The following DHX15 variants were observed in gnomAD, a reference collection of about 807,000 sequenced individuals.
DHX15 encodes ATP-dependent RNA helicase DHX15.
In DHX15, 11 loss-of-function variants were observed where a neutral mutation model predicts 94.4. The ratio of observed to expected loss-of-function variants is 0.12; its 90% CI spans 0.07 to 0.19. The LOEUF (loss-of-function observed/expected upper bound fraction) is 0.19. Among genes scored for constraint, DHX15 ranks in the 10% least tolerant of loss-of-function variants. The pLI is 1.00. For synonymous variants in DHX15, 338 were observed against 329.9 expected, an observed-to-expected ratio of 1.02 and a Z score of -0.27; for missense variants, 304 against 988.5, an observed-to-expected ratio of 0.31 and a Z score of 9.29.
Position 24,540,895 on chromosome 4 carries a change from T to C in DHX15, c.1539A>G (p.Gln513=), listed in dbSNP as rs201995965. ...AGTCATCAATACCAAGTTTCTTCAATTGTAACACAACTGATCCTAAATTAG... is the reference window on the plus strand; with the variant it reads ...AGTCATCAATACCAAGTTTCTTCAACTGTAACACAACTGATCCTAAATTAG... ...LRSNLGSVVL[Q]LKKLGIDDLV... The change falls in exon 9 of 14, where the codon CAA becomes CAG. Residue 513 remains glutamine (Q), a synonymous_variant. Transcript: ENST00000336812. The C allele has an allele frequency of 4.2e-5, 68 of 1,610,640 alleles. No individual in the cohort carries two copies. The highest frequency in any genetic ancestry group is 6.7e-5 in the Admixed American group (4 of 59,726).
chr4:24,554,074 C>T (rs1159192324), intron 5 of DHX15, among the ~76,000 whole-genome samples: 7 of 151,176 alleles, frequency 4.6e-5, no homozygotes, highest in South Asian at 2.1e-4. Context: ...AAAAATTAGC[C>T]GGGTGTGGTG....
At chr4:24,531,334 C>T (rs947857536) in intron 12 of DHX15, among the ~76,000 whole-genome samples, 3 of 151,938 alleles carry the variant, frequency 2.0e-5, no homozygotes, top group East Asian at 2.0e-4. Context: ...GTGATCCACC[C>T]GCCTCGGCCT....
chr4:24,527,751 G>A lies in DHX15; in HGVS notation c.*173C>T, dbSNP rs895812556. Reference sequence around the variant, plus strand: ...AGCTACAGTGTCAACACAAAAGGGAGGCATAAATGTTTAATTTATGAAATC... The same window carrying A: ...AGCTACAGTGTCAACACAAAAGGGAAGCATAAATGTTTAATTTATGAAATC... On this transcript the variant is annotated 3_prime_UTR_variant, in exon 14 of 14. Coordinates refer to ENST00000336812, the MANE Select transcript of DHX15 (RefSeq NM_001358.3). The A allele has an allele frequency of 9.3e-6, 5 of 537,788 alleles. No individual in the cohort carries two copies. The highest frequency in any genetic ancestry group is 2.8e-5 in the East Asian group (1 of 35,318). The allele number at this position is 537,788 out of a possible 1,614,324, so 33.3% of individuals were successfully genotyped here. A position where few individuals can be genotyped will look rare whatever the true frequency, so the allele number is the denominator to read the frequency against.
chr4:24,550,139 C>T (rs1474989077), intron 5 of DHX15, among the ~76,000 whole-genome samples: 5 of 97,038 alleles, frequency 5.2e-5, no homozygotes, highest in Non-Finnish European at 8.0e-5. Flanking sequence ...AAAATCAGTA[C>T]ACTCATATAG....
At chr4:24,532,290 T>C (rs1721101526) in intron 12 of DHX15, among the ~76,000 whole-genome samples, 5 of 152,230 alleles carry the variant, frequency 3.3e-5, no homozygotes, top group Non-Finnish European at 5.9e-5. Context: ...CGTTTTTGGC[T>C]TTTGCAGTAC....
chr4:24,574,205 C>CAAAGAAAAAA (rs1722189393), intron 2 of DHX15, among the ~76,000 whole-genome samples: 1 of 68,876 alleles, frequency 1.5e-5, no homozygotes, highest in Non-Finnish European at 2.8e-5. Flanking sequence ...GACTTTGTCT[C>CAAAGAAAAAA]AAAAAAAAAA....
intron 1 of DHX15, 73 bp from the exon 2 acceptor site, chr4:24,576,751 G>A: frequency 6.5e-7 from 1 of 1,544,012 alleles, no homozygotes; most frequent in South Asian, 1.3e-5. Flanking sequence ...TAATCACAAA[G>A]AGAGTAAATG....
rs147296283 is a variant in DHX15, at chr4:24,529,576, C to A, written c.2270+25G>T. 2.2e-5 allele frequency: 36 copies of A among 1,607,898 alleles called. No individual in the cohort carries two copies. In the East Asian group the frequency reaches 7.8e-4, roughly 35 times the overall value. On this transcript the variant is annotated intron_variant, in intron 13 of 13. Transcript: ENST00000336812. ...TTTTGAGCAAAGTACTAACAAAAAA[C>A]TGTTAGAACAAAAGGTGTACTTACC...
intron 6 of DHX15, among the ~76,000 whole-genome samples, chr4:24,548,542 C>T (rs1374254954): frequency 6.6e-6 from 1 of 152,148 alleles, no homozygotes; most frequent in Non-Finnish European, 1.5e-5. Flanking sequence ...GGGCAGAAGG[C>T]CAAGGCACCA....
chr4:24,550,208 T>C (rs1435703490), intron 5 of DHX15, among the ~76,000 whole-genome samples: 1 of 151,576 alleles, frequency 6.6e-6, no homozygotes, highest in Non-Finnish European at 1.5e-5. Flanking sequence ...AGTGAGTACT[T>C]AGTGAATGTG....
intron 11 of DHX15, among the ~76,000 whole-genome samples, chr4:24,535,196 C>G (rs2109393184): frequency 6.6e-6 from 1 of 152,290 alleles, no homozygotes; most frequent in East Asian, 1.9e-4. Flanking sequence ...CTCTTGTTTA[C>G]AGGCCACTTG....
intron 5 of DHX15, among the ~76,000 whole-genome samples, chr4:24,552,683 G>A (rs1479515033): frequency 6.6e-6 from 1 of 152,142 alleles, no homozygotes; most frequent in Non-Finnish European, 1.5e-5. Context: ...TACAACAAAT[G>A]AAATGTAAAC....
At chr4:24,554,971 GCTGTCTTCAAGGATTCTTACATGGTCTT>G in intron 4 of DHX15, 28 bp from the exon 5 acceptor site, 1 of 1,570,726 alleles carries the variant, frequency 6.4e-7, no homozygotes, top group Non-Finnish European at 8.8e-7. Flanking sequence ...ATTATTTGAA[GCTGTCTTCAAGGATTCTTACATGGTCTT>G]ACAGTATAGC....
At chr4:24,574,225 A>AAAAAAAAAAAAAAAAAAAAAAAAAAAC (rs1722191658) in intron 2 of DHX15, among the ~76,000 whole-genome samples, 1 of 150,538 alleles carries the variant, frequency 6.6e-6, no homozygotes, top group Non-Finnish European at 1.5e-5. Context: ...AAAAAAAAAA[A>AAAAAAAAAAAAAAAAAAAAAAAAAAAC]AAAGTTAAAG....
At chr4:24,562,795 A>T (rs1436287522) in intron 3 of DHX15, among the ~76,000 whole-genome samples, 1 of 152,172 alleles carries the variant, frequency 6.6e-6, no homozygotes, top group Non-Finnish European at 1.5e-5. Flanking sequence ...ACACCAAGTC[A>T]TATGTTTCAG....
intron 5 of DHX15, among the ~76,000 whole-genome samples, chr4:24,550,718 G>A (rs924014635): frequency 3.9e-5 from 6 of 152,124 alleles, no homozygotes; most frequent in African/African-American, 1.4e-4. Flanking sequence ...ACCTGCCTAA[G>A]CCTGTTTTAC....
chr4:24,547,903 GTATATATATATATATA>G lies in DHX15; in HGVS notation c.1248+936_1248+951del, dbSNP rs869194543. On this transcript the variant is annotated intron_variant, in intron 6 of 13. Transcript: ENST00000336812. ...TCTCTCTCTCTCTATGTATGTATGTGTATATATATATATATATATATATATATATATATATATATCT... is the reference window on the plus strand; with the variant it reads ...TCTCTCTCTCTCTATGTATGTATGTGTATATATATATATATATATATATCT... 1.1e-3 allele frequency among the ~76,000 whole-genome samples: 76 copies of G among 70,730 alleles called. 2 individuals carry two copies. Among genetic ancestry groups the G allele is most frequent in the Middle Eastern group, 6.8e-3 (1 of 148 alleles). 46.4% of individuals were successfully genotyped at this position (70,730 alleles called of 152,430 possible).
At chr4:24,567,727 T>C (rs1417396619) in intron 3 of DHX15, among the ~76,000 whole-genome samples, 1 of 152,214 alleles carries the variant, frequency 6.6e-6, no homozygotes, top group Non-Finnish European at 1.5e-5. Flanking sequence ...CAGCAATATA[T>C]TGTTCCCTGA....
At chr4:24,563,656 G>A (rs967105175) in intron 3 of DHX15, among the ~76,000 whole-genome samples, 1 of 152,146 alleles carries the variant, frequency 6.6e-6, no homozygotes, top group Non-Finnish European at 1.5e-5. Context: ...TGTTCAACAT[G>A]TAGGACATCC....
Sources: allele counts gnomAD v4.1 joint callset (sites outside exome capture counted in the v4.1 genomes callset), GRCh38; gene constraint gnomAD v4.1.1; transcripts MANE v1.5; gene names NCBI Gene and HGNC (gene_info 2026-07-23, HGNC 2026-07-21).